Variants in TRAPPC8 observed in about 807,000 individuals in gnomAD.
TRAPPC8 encodes general sporulation gene 1 homolog.
TRAPPC8 carries 54 observed loss-of-function variants against 174.3 expected under a neutral mutation model. The ratio of observed to expected loss-of-function variants is 0.31; its 90% CI spans 0.25 to 0.39. The LOEUF (loss-of-function observed/expected upper bound fraction) is 0.39. Ranked by LOEUF, TRAPPC8 falls within the 10% of genes least tolerant of loss-of-function variation. TRAPPC8 has a pLI of 1.00. For synonymous variants in TRAPPC8, 630 were observed against 579.9 expected (o/e 1.09, Z -1.24); for missense variants, 1,531 against 1,699.1 (o/e 0.90, Z 1.74).
chr18:31,841,303 C>G (rs181513691), intron 26 of TRAPPC8, among the ~76,000 whole-genome samples: 3 of 151,778 alleles, frequency 2.0e-5, no homozygotes, highest in Non-Finnish European at 4.4e-5. Context: ...AATTTTTTAT[C>G]TTTCCAATTG....
At chr18:31,892,427 C>G (rs1050390313) in intron 11 of TRAPPC8, among the ~76,000 whole-genome samples, 2 of 152,164 alleles carry the variant, frequency 1.3e-5, no homozygotes, top group Non-Finnish European at 2.9e-5. Flanking sequence ...TTTAAAGCTA[C>G]ACTGTCTTCC....
intron 12 of TRAPPC8, among the ~76,000 whole-genome samples, chr18:31,881,008 CA>C (rs1287384843): frequency 3.3e-5 from 5 of 151,186 alleles, no homozygotes; most frequent in African/African-American, 9.7e-5. Flanking sequence ...AACAAAAGAA[CA>C]AAAAAAACCC....
chr18:31,837,967 TAAAA>T (rs35815014), intron 27 of TRAPPC8, among the ~76,000 whole-genome samples: 1 of 129,044 alleles, frequency 7.7e-6, no homozygotes, highest in Non-Finnish European at 1.6e-5. Flanking sequence ...AAAAATCACT[TAAAA>T]AAAAAAAAAA....
At chr18:31,913,141 A>C (rs8098568) in intron 5 of TRAPPC8, among the ~76,000 whole-genome samples, 6,122 of 152,128 alleles carry the variant, frequency 0.04, 354 homozygotes, top group African/African-American at 0.12. Context: ...AAAAAAAAAG[A>C]AAATGATTAA....
At chr18:31,926,124 A>T (rs2037604751) in intron 2 of TRAPPC8, among the ~76,000 whole-genome samples, 2 of 152,116 alleles carry the variant, frequency 1.3e-5, no homozygotes, top group African/African-American at 2.4e-5. Context: ...TTATTTCATT[A>T]TATTCTCTGT....
At chr18:31,935,169 A>AC (rs1273675819) in intron 1 of TRAPPC8, among the ~76,000 whole-genome samples, 2 of 150,134 alleles carry the variant, frequency 1.3e-5, no homozygotes, top group African/African-American at 2.5e-5. Context: ...ACATAGAGAA[A>AC]CCCCGTCTCT....
Position 31,830,709 on chromosome 18 carries a change from C to T in TRAPPC8, c.*46G>A. ...ATCAAATACTGCTGTAAAACCCATCCAGCAAAAACTGATTATTGTGGATTT... is the reference window on the plus strand; with the variant it reads ...ATCAAATACTGCTGTAAAACCCATCTAGCAAAAACTGATTATTGTGGATTT... On this transcript the variant is annotated 3_prime_UTR_variant, in exon 29 of 29. Coordinates refer to ENST00000283351, the MANE Select transcript of TRAPPC8 (RefSeq NM_014939.5). 1.3e-6 allele frequency: 2 copies of T among 1,544,782 alleles called. No homozygotes were observed. The highest frequency in any genetic ancestry group is 1.8e-6 in the Non-Finnish European group (2 of 1,129,908).
At chr18:31,869,437 A>G (rs535882948) in intron 16 of TRAPPC8, among the ~76,000 whole-genome samples, 34 of 152,328 alleles carry the variant, frequency 2.2e-4, no homozygotes, top group African/African-American at 7.9e-4. Flanking sequence ...TATGCTGCTT[A>G]GTAAGAAGCT....
chr18:31,839,517 A>G (rs1386470339), intron 26 of TRAPPC8, 60 bp from the exon 27 acceptor site: 3 of 1,487,540 alleles, frequency 2.0e-6, no homozygotes, highest in East Asian at 2.3e-5. Context: ...AAAAAAAAAA[A>G]AAGCATAGTG....
intron 16 of TRAPPC8, among the ~76,000 whole-genome samples, chr18:31,867,774 G>A (rs950485582): frequency 2.1e-4 from 32 of 152,136 alleles, no homozygotes; most frequent in African/African-American, 6.7e-4. Flanking sequence ...AGCTACTCAG[G>A]AGGCTGAGGC....
intron 5 of TRAPPC8, among the ~76,000 whole-genome samples, chr18:31,910,075 C>T (rs1293320375): frequency 6.6e-6 from 1 of 152,090 alleles, no homozygotes; most frequent in Non-Finnish European, 1.5e-5. Flanking sequence ...TAAGCACATA[C>T]ATATGCTTAT....
intron 2 of TRAPPC8, among the ~76,000 whole-genome samples, chr18:31,922,731 T>C (rs1030970881): frequency 4.7e-5 from 7 of 150,522 alleles, no homozygotes; most frequent in African/African-American, 1.5e-4. Flanking sequence ...CTACTAAAGT[T>C]TTCTGGCCAT....
chr18:31,853,722 C>A, intron 22 of TRAPPC8, 127 bp downstream of exon 22: 1 of 650,884 alleles, frequency 1.5e-6, no homozygotes, highest in Non-Finnish European at 2.5e-6. Flanking sequence ...GTTAGGTAAA[C>A]TAATGAAATC....
intron 10 of TRAPPC8, among the ~76,000 whole-genome samples, chr18:31,900,198 C>T (rs993652453): frequency 6.6e-6 from 1 of 152,148 alleles, no homozygotes; most frequent in African/African-American, 2.4e-5. Flanking sequence ...TGCGCCACTG[C>T]ACTCCCGCCT....
intron 27 of TRAPPC8, among the ~76,000 whole-genome samples, chr18:31,833,882 G>C (rs2032531554): frequency 1.3e-5 from 2 of 151,478 alleles, no homozygotes; most frequent in South Asian, 4.2e-4. Flanking sequence ...GGTGCCTATA[G>C]TCCCAGTTAC....
chr18:31,872,425 A>G (rs910680124), intron 14 of TRAPPC8, among the ~76,000 whole-genome samples: 4 of 152,144 alleles, frequency 2.6e-5, no homozygotes, highest in African/African-American at 9.7e-5. Flanking sequence ...ATCTACAAAG[A>G]TGTCCATCAC....
chr18:31,857,543 A>G lies in TRAPPC8; in HGVS notation c.3185T>C (p.Ile1062Thr). ...YYESVKKQPK[I>T]RHRILRHTAI... Reference sequence around the variant, plus strand: ...TTATAAGTTTTATAATACTAACCGTATTTTTGGCTGCTTTTTGACACTTTC... The same window carrying G: ...TTATAAGTTTTATAATACTAACCGTGTTTTTGGCTGCTTTTTGACACTTTC... The change falls in exon 20 of 29, where the codon ATA becomes ACA. Residue 1062 changes from isoleucine to threonine, a missense_variant. Physicochemically the swap from Ile to Thr is moderately conservative, Grantham distance 89. Coordinates refer to ENST00000283351, the MANE Select transcript of TRAPPC8 (RefSeq NM_014939.5). The G allele has an allele frequency of 6.3e-7, 1 of 1,586,736 alleles. No homozygotes were observed. Among genetic ancestry groups the G allele is most frequent in the Non-Finnish European group, 8.6e-7 (1 of 1,167,694 alleles).
intron 12 of TRAPPC8, among the ~76,000 whole-genome samples, chr18:31,878,769 G>T (rs1301534941): frequency 6.6e-6 from 1 of 152,060 alleles, no homozygotes; most frequent in Non-Finnish European, 1.5e-5. Context: ...TCAAAGTCAA[G>T]GGGTGGAGAA....
chr18:31,909,967 C>A (rs1436987570), intron 5 of TRAPPC8, among the ~76,000 whole-genome samples: 1 of 152,030 alleles, frequency 6.6e-6, no homozygotes, highest in South Asian at 2.1e-4. Flanking sequence ...TTCTTAAATC[C>A]CCTTTCACAC....
Sources: allele counts gnomAD v4.1 joint callset (sites outside exome capture counted in the v4.1 genomes callset), GRCh38; gene constraint gnomAD v4.1.1; transcripts MANE v1.5; gene names NCBI Gene and HGNC (gene_info 2026-07-23, HGNC 2026-07-21).